CD200R1L: variants seen among roughly 807,000 people sequenced by gnomAD.
The protein encoded by CD200R1L is cell surface glycoprotein CD200 receptor 2.
CD200R1L carries 14 observed loss-of-function variants against 24.8 expected under a neutral mutation model. The ratio of observed to expected loss-of-function variants is 0.56; its 90% confidence interval spans 0.37 to 0.88. The LOEUF is 0.88. Among genes scored for constraint, CD200R1L ranks in the 40% least tolerant of loss-of-function variants. The pLI is 0.00. For missense variants in CD200R1L, 299 were observed against 297.8 expected, an observed-to-expected ratio of 1.00 and a Z score of -0.03; for synonymous variants, 111 against 109.2, an observed-to-expected ratio of 1.02 and a Z score of -0.11.
At chr3:112,821,745 C>T (rs554375751) in intron 6 of CD200R1L, among the ~76,000 whole-genome samples, 8 of 152,296 alleles carry the variant, frequency 5.3e-5, no homozygotes, top group Non-Finnish European at 7.3e-5. Flanking sequence ...TGAGACCTGT[C>T]TCCAATACTT....
rs1255469496 is a variant in CD200R1L, at chr3:112,846,757, C to T, written c.-491G>A. ...GGTTTATTCTTTTTTTCTTCTTTTG[C>T]ACTTCTTAGCTTTTTATGGTGTCCT... On this transcript the variant is annotated 5_prime_UTR_variant, in exon 1 of 8. Transcript: ENST00000488794. The T allele has an allele frequency of 2.6e-5, 4 of 152,116 alleles. No homozygotes were observed. Among genetic ancestry groups the T allele is most frequent in the Admixed American group, 2.0e-4 (3 of 15,262 alleles). The allele number at this position is 152,116 out of a possible 1,614,324, so 9.4% of individuals were successfully genotyped here. A position where few individuals can be genotyped will look rare whatever the true frequency, so the allele number is the denominator to read the frequency against.
chr3:112,819,207 G>A (rs1221170031), intron 7 of CD200R1L, among the ~76,000 whole-genome samples: 1 of 152,030 alleles, frequency 6.6e-6, no homozygotes, highest in Non-Finnish European at 1.5e-5. Context: ...TCAACACGTG[G>A]GGATTACAAT....
At chr3:112,823,626 G>T (rs975787543) in intron 6 of CD200R1L, among the ~76,000 whole-genome samples, 37 of 152,200 alleles carry the variant, frequency 2.4e-4, no homozygotes, top group African/African-American at 8.9e-4. Flanking sequence ...GGGCTGTGGA[G>T]GTGCTATGAC....
At chr3:112,842,260 G>A (rs905589364) in intron 2 of CD200R1L, among the ~76,000 whole-genome samples, 1 of 152,230 alleles carries the variant, frequency 6.6e-6, no homozygotes, top group Admixed American at 6.5e-5. Flanking sequence ...GACCCTGAAT[G>A]GAGGGACCAG....
chr3:112,819,512 T>C (rs1276300021), intron 7 of CD200R1L, among the ~76,000 whole-genome samples: 2 of 152,340 alleles, frequency 1.3e-5, no homozygotes, highest in East Asian at 1.9e-4. Flanking sequence ...ATTCTGAAGA[T>C]GTGGACTAGG....
Position 112,819,810 on chromosome 3 carries a change from G to A in CD200R1L, c.702C>T (p.Thr234=), listed in dbSNP as rs1380784861. The part of the protein sequence containing the change: ...KLSLFVVILV[T]TGFVFFQRIN... ...TCCTCTGGAAGAAAACAAATCCTGT[G>A]GTGACCAGAATGACCACAAAAAGAG... Residue 234 remains threonine, a synonymous_variant, in exon 7 of 8, where the codon ACC becomes ACT. Coordinates refer to ENST00000488794, the MANE Select transcript of CD200R1L (RefSeq NM_001199215.3). 2 of 1,610,682 alleles carry A rather than the reference G, an allele frequency of 1.2e-6. No individual in the cohort carries two copies. Among genetic ancestry groups the A allele is most frequent in the Admixed American group, 1.7e-5 (1 of 59,390 alleles).
rs1479671920 is a variant in CD200R1L, at chr3:112,827,123, C to G, written c.486G>C (p.Lys162Asn). 2 of 1,613,400 alleles carry G rather than the reference C, an allele frequency of 1.2e-6. No individual in the cohort carries two copies. The highest frequency in any genetic ancestry group is 2.7e-5 in the African/African-American group (2 of 74,890). ...WIPEGSILAT[K>N]QEYWGNGTVT... is the part of the protein sequence containing the mutation. ...CTGTGCCATTGCCCCAGTATTCTTG[C>G]TTAGTGGCAAGAATAGATCCCTCTG... Residue 162 changes from lysine (K) to asparagine (N), a missense_variant, in exon 6 of 8, where the codon AAG (lysine) becomes AAC (asparagine). By Grantham distance (94) the Lys-to-Asn change is moderately conservative. Transcript: ENST00000488794.
chr3:112,823,691 T>C (rs909058068), intron 6 of CD200R1L, among the ~76,000 whole-genome samples: 5 of 152,172 alleles, frequency 3.3e-5, no homozygotes, highest in African/African-American at 4.8e-5. Context: ...TAACCAAACT[T>C]CATGGCAAGA....
At chr3:112,838,068 T>C in intron 2 of CD200R1L, 58 bp from the exon 3 acceptor site, 1 of 627,888 alleles carries the variant, frequency 1.6e-6, no homozygotes, top group African/African-American at 2.1e-5. Context: ...TTTACTGAAA[T>C]GGACTAGAAT....
At chr3:112,818,871 G>A (rs1177860202) in intron 7 of CD200R1L, 1 of 154,386 alleles carries the variant, frequency 6.5e-6, no homozygotes, top group Non-Finnish European at 1.5e-5. Context: ...TATGCTAAGA[G>A]TCTGAAACAG....
At chr3:112,826,916 G>A in intron 6 of CD200R1L, 77 bp downstream of exon 6, 1 of 1,492,192 alleles carries the variant, frequency 6.7e-7, no homozygotes, top group Admixed American at 2.3e-5. Flanking sequence ...CTTACCTGCT[G>A]TTTGGTTATT....
At chr3:112,836,505 A>C (rs942692188) in intron 3 of CD200R1L, among the ~76,000 whole-genome samples, 5 of 152,214 alleles carry the variant, frequency 3.3e-5, no homozygotes, top group Non-Finnish European at 5.9e-5. Context: ...AGGTCTTTTA[A>C]GGGCCTGGCA....
At chr3:112,840,561 G>T (rs962342572) in intron 2 of CD200R1L, among the ~76,000 whole-genome samples, 7 of 152,098 alleles carry the variant, frequency 4.6e-5, no homozygotes, top group African/African-American at 7.2e-5. Context: ...CCATACTGGG[G>T]ATTACAATTA....
At chr3:112,832,545 C>G (rs1423027897) in intron 3 of CD200R1L, among the ~76,000 whole-genome samples, 2 of 152,040 alleles carry the variant, frequency 1.3e-5, no homozygotes, top group East Asian at 3.8e-4. Context: ...CTCTCAGAGA[C>G]TTAAAGTATA....
chr3:112,828,125 A>T (rs966273589), intron 4 of CD200R1L, among the ~76,000 whole-genome samples: 7 of 152,314 alleles, frequency 4.6e-5, no homozygotes, highest in Middle Eastern at 3.4e-3. Context: ...TAGTGATGTG[A>T]TTGTCTCCTC....
chr3:112,827,539 A>G lies in CD200R1L; in HGVS notation c.195T>C (p.Asn65=). Residue 65 remains asparagine, a synonymous_variant, in exon 5 of 8, where the codon AAT becomes AAC. Coordinates refer to ENST00000488794, the MANE Select transcript of CD200R1L (RefSeq NM_001199215.3). Reference sequence around the variant, plus strand: ...CAGTACAGTTGGTTTCCTTGGTCTCATTTGTTTCTTTCTTGTAGGCTTTTG... The same window carrying G: ...CAGTACAGTTGGTTTCCTTGGTCTCGTTTGTTTCTTTCTTGTAGGCTTTTG... ...SCTKAYKKET[N]ETKETNCTVE... 1.9e-6 allele frequency: 3 copies of G among 1,614,140 alleles called. No individual in the cohort carries two copies. Among genetic ancestry groups the G allele is most frequent in the East Asian group, 2.2e-5 (1 of 44,884 alleles).
chr3:112,845,659 T>C lies in CD200R1L; in HGVS notation c.-87+20A>G, dbSNP rs1385572383. ...AGAAAGCTTTATTTTCAGCTGAAAA[T>C]GTCACAGTATCAGACTTACCAGACA... On this transcript the variant is annotated intron_variant, in intron 2 of 7. Transcript: ENST00000488794. The C allele has an allele frequency of 6.3e-7, 1 of 1,593,320 alleles. No homozygotes were observed. The highest frequency in any genetic ancestry group is 8.6e-7 in the Non-Finnish European group (1 of 1,163,380).
intron 5 of CD200R1L, 49 bp downstream of exon 5, chr3:112,827,318 A>C (rs767794455): frequency 8.8e-6 from 14 of 1,590,328 alleles, no homozygotes; most frequent in Non-Finnish European, 1.2e-5. Flanking sequence ...CATTTGTTTC[A>C]GTCACAAATC....
chr3:112,830,911 T>G (rs1938781841), intron 3 of CD200R1L, among the ~76,000 whole-genome samples: 1 of 151,828 alleles, frequency 6.6e-6, no homozygotes. Flanking sequence ...AAATTTCATT[T>G]AAAGTTGCTG....
Sources: gnomAD v4.1 joint callset for allele counts (sites outside exome capture counted in the v4.1 genomes callset) on GRCh38, gnomAD v4.1.1 for gene constraint, MANE v1.5 for transcripts, NCBI Gene and HGNC (gene_info 2026-07-23, HGNC 2026-07-21) for gene names.